The following TMX2 variants were observed in gnomAD, a reference collection of about 807,000 sequenced individuals.
TMX2 encodes the protein thioredoxin-related transmembrane protein 2.
In TMX2, 20 loss-of-function variants were observed where a neutral mutation model predicts 33.4. That is an observed-to-expected ratio of 0.60 (90% CI 0.42 to 0.87). TMX2 has a LOEUF of 0.87. Among genes scored for constraint, TMX2 ranks in the 40% least tolerant of loss-of-function variants. The pLI, the probability that TMX2 is intolerant of heterozygous loss-of-function variation, is 0.00. For synonymous variants in TMX2, 166 were observed against 140.7 expected, an observed-to-expected ratio of 1.18 and a Z score of -1.27; for missense variants, 340 against 370.7, an observed-to-expected ratio of 0.92 and a Z score of 0.68.
chr11:57,733,549 G>A (rs1248699062), intron 1 of TMX2, among the ~76,000 whole-genome samples: 4 of 151,764 alleles, frequency 2.6e-5, no homozygotes, highest in Non-Finnish European at 5.9e-5. Flanking sequence ...GAGTCACCGC[G>A]CCCAGCCTAT....
intron 1 of TMX2, among the ~76,000 whole-genome samples, chr11:57,736,488 G>A (rs549799306): frequency 1.3e-5 from 2 of 152,262 alleles, no homozygotes; most frequent in East Asian, 1.9e-4. Flanking sequence ...ACTGTAAGAC[G>A]AGTATTGAAA....
chr11:57,728,970 G>A lies in TMX2; in HGVS notation c.190-8638G>A, dbSNP rs142349302. ...TCACCCAGCGTTTTGAGCCCTCTCA[G>A]AGGTCACAGACCTCTGGAGAGAGAC... On this transcript the variant is annotated intron_variant, in intron 1 of 7. Coordinates refer to ENST00000278422, the MANE Select transcript of TMX2 (RefSeq NM_015959.4). Among the ~76,000 whole-genome samples the A allele has an allele frequency of 9.9e-4, 150 of 152,238 alleles. 1 individual carries two copies. The highest frequency in any genetic ancestry group is 3.5e-3 in the African/African-American group (146 of 41,552).
chr11:57,729,186 C>T (rs1188241766), intron 1 of TMX2, among the ~76,000 whole-genome samples: 1 of 151,914 alleles, frequency 6.6e-6, no homozygotes, highest in Admixed American at 6.6e-5. Context: ...GTCCCCTTTT[C>T]GGGTCCTTCA....
intron 1 of TMX2, among the ~76,000 whole-genome samples, chr11:57,720,959 A>T (rs1229372435): frequency 6.6e-6 from 1 of 151,808 alleles, no homozygotes; most frequent in African/African-American, 2.4e-5. Flanking sequence ...GGGAGTTTCT[A>T]AGGCTGTGTT....
At position 57,740,645 on chromosome 11, in the gene TMX2, G is replaced by C. The variant is rs11547016; in HGVS notation, c.*400G>C. ...GATTTAACCCTAAGGTAAGATGCTG[G>C]GGTATAGAACGCTAAGAATTTTCCC... is the stretch of plus-strand genomic sequence containing the variant. On this transcript the variant is annotated 3_prime_UTR_variant, in exon 8 of 8. Transcript: ENST00000278422. The C allele has an allele frequency of 8.7e-3, 1,441 of 164,828 alleles. 32 individuals are homozygous for C. Among genetic ancestry groups the C allele is most frequent in the African/African-American group, 0.033 (1,361 of 41,744 alleles). The allele number at this position is 164,828 out of a possible 1,614,324, so 10.2% of individuals were successfully genotyped here. A position where few individuals can be genotyped will look rare whatever the true frequency, so the allele number is the denominator to read the frequency against.
chr11:57,729,060 C>T (rs1281795738), intron 1 of TMX2, among the ~76,000 whole-genome samples: 1 of 151,524 alleles, frequency 6.6e-6, no homozygotes, highest in Non-Finnish European at 1.5e-5. Flanking sequence ...CAGCACGCAT[C>T]AATCCACCAC....
intron 1 of TMX2, chr11:57,718,612 ATT>A: frequency 2.3e-6 from 1 of 429,622 alleles, no homozygotes; most frequent in South Asian, 2.5e-5. Context: ...TATCTATATC[ATT>A]GTTTTCCTCC....
chr11:57,731,125 G>GTTTTTTT (rs757832822), intron 1 of TMX2, among the ~76,000 whole-genome samples: 80 of 85,852 alleles, frequency 9.3e-4, no homozygotes, highest in African/African-American at 3.2e-3. Context: ...TTTGTTTTTT[G>GTTTTTTT]TTTTTTTTTT....
intron 1 of TMX2, among the ~76,000 whole-genome samples, chr11:57,733,692 G>T (rs1246113867): frequency 6.6e-6 from 1 of 152,160 alleles, no homozygotes; most frequent in African/African-American, 2.4e-5. Context: ...CTGGGTAATA[G>T]GGGTTCATTC....
intron 1 of TMX2, among the ~76,000 whole-genome samples, chr11:57,721,037 G>A (rs1220154294): frequency 1.4e-5 from 2 of 146,832 alleles, no homozygotes; most frequent in African/African-American, 2.5e-5. Flanking sequence ...GGCCAGGTAC[G>A]GTGGCTGTAA....
intron 1 of TMX2, among the ~76,000 whole-genome samples, chr11:57,736,653 C>G (rs1302203069): frequency 6.6e-6 from 1 of 151,876 alleles, no homozygotes; most frequent in African/African-American, 2.4e-5. Flanking sequence ...TTTAGGAGGC[C>G]GAGGCGGGCG....
At position 57,731,433 on chromosome 11, in the gene TMX2, CTTTTTTTTTTTT is replaced by C. The variant is rs140987390; in HGVS notation, c.190-6162_190-6151del. Among the ~76,000 whole-genome samples the C allele has an allele frequency of 1.9e-4, 13 of 67,020 alleles. No homozygotes were observed. In the East Asian group the frequency reaches 5.5e-3, roughly 28 times the overall value. 44.0% of individuals were successfully genotyped at this position (67,020 alleles called of 152,430 possible). ...GCAAGGGTGAGACACCGCACCCAGCCTTTTTTTTTTTTTTTTTTTTTTTTGAGACCAAAAAAA... is the reference window on the plus strand; with the variant it reads ...GCAAGGGTGAGACACCGCACCCAGCCTTTTTTTTTTTTGAGACCAAAAAAA... On this transcript the variant is annotated intron_variant, in intron 1 of 7. Coordinates refer to ENST00000278422, the MANE Select transcript of TMX2 (RefSeq NM_015959.4).
chr11:57,719,709 GT>G, intron 1 of TMX2, among the ~76,000 whole-genome samples: 1 of 151,480 alleles, frequency 6.6e-6, no homozygotes. Flanking sequence ...TAGAGATGGG[GT>G]TTCGCCATGT....
At chr11:57,735,070 C>G (rs1291209907) in intron 1 of TMX2, among the ~76,000 whole-genome samples, 1 of 150,458 alleles carries the variant, frequency 6.6e-6, no homozygotes, top group African/African-American at 2.4e-5. Flanking sequence ...GCGGAGGTTG[C>G]AATGAGCCGA....
At chr11:57,731,191 T>A (rs1948381170) in intron 1 of TMX2, among the ~76,000 whole-genome samples, 1 of 135,604 alleles carries the variant, frequency 7.4e-6, no homozygotes, top group Non-Finnish European at 1.5e-5. Context: ...TGGAGTGGAG[T>A]GGTGCAATTT....
intron 1 of TMX2, among the ~76,000 whole-genome samples, chr11:57,717,819 TTTA>T: frequency 6.6e-6 from 1 of 152,010 alleles, no homozygotes. Flanking sequence ...TCCCTAGCTT[TTTA>T]TTGTTGTTGT....
chr11:57,735,241 C>T (rs573543115), intron 1 of TMX2, among the ~76,000 whole-genome samples: 1 of 151,748 alleles, frequency 6.6e-6, no homozygotes, highest in South Asian at 2.1e-4. Flanking sequence ...CGTTGTTTCA[C>T]TCTGTTGCCC....
intron 1 of TMX2, among the ~76,000 whole-genome samples, chr11:57,730,687 G>A (rs1232415577): frequency 6.6e-6 from 1 of 152,010 alleles, no homozygotes; most frequent in Non-Finnish European, 1.5e-5. Context: ...GCAGTGAGCC[G>A]AGATCGTACC....
chr11:57,716,674 C>G (rs1198735552), intron 1 of TMX2, among the ~76,000 whole-genome samples: 11 of 144,920 alleles, frequency 7.6e-5, no homozygotes, highest in Admixed American at 6.1e-4. Flanking sequence ...CTGACCCCCC[C>G]ACCTCCCTCC....
Sources: allele counts gnomAD v4.1 joint callset (sites outside exome capture counted in the v4.1 genomes callset), GRCh38; gene constraint gnomAD v4.1.1; transcripts MANE v1.5; gene names NCBI Gene and HGNC (gene_info 2026-07-23, HGNC 2026-07-21).